The following GPM6B variants were observed in gnomAD, a reference collection of about 807,000 sequenced individuals.
GPM6B encodes the protein neuronal membrane glycoprotein M6-b.
Under a neutral mutation model 27.2 loss-of-function variants are expected in GPM6B, and 4 were observed. The observed-to-expected ratio is 0.15, with a 90% confidence interval of 0.07 to 0.34. The LOEUF (loss-of-function observed/expected upper bound fraction) is 0.34. Among genes scored for constraint, GPM6B ranks in the 10% least tolerant of loss-of-function variants. The probability of loss-of-function intolerance (pLI) is 1.00; values close to 1 mark genes in which losing one functional copy is unlikely to be tolerated. For synonymous variants in GPM6B, 124 were observed against 103.1 expected (o/e 1.20, Z -1.23); for missense variants, 183 against 261.9 (o/e 0.70, Z 2.08).
chrX:13,880,074 G>A (rs932553200), intron 1 of GPM6B, among the ~76,000 whole-genome samples: 4 of 112,323 alleles, frequency 3.6e-5, no homozygotes, highest in Admixed American at 9.4e-5. Flanking sequence ...CTCTTGCTTC[G>A]CAAAGAACAC....
At chrX:13,785,423 C>T (rs2048591051) in intron 3 of GPM6B, among the ~76,000 whole-genome samples, 199 bp downstream of exon 3, 2 of 111,253 alleles carry the variant, frequency 1.8e-5, no homozygotes, top group Admixed American at 1.9e-4. Flanking sequence ...GCTAGGATTA[C>T]AGGCACGCAC....
chrX:13,839,634 C>G (rs1364897629), intron 1 of GPM6B, among the ~76,000 whole-genome samples: 1 of 111,147 alleles, frequency 9.0e-6, no homozygotes, highest in Non-Finnish European at 1.9e-5. Context: ...CACACACACC[C>G]CTCTTTCCCT....
chrX:13,874,543 C>CA (rs34549189), intron 1 of GPM6B, among the ~76,000 whole-genome samples: 37,943 of 82,433 alleles, frequency 0.46, 7,262 homozygotes, highest in Middle Eastern at 0.52. Flanking sequence ...ACTAAAAATA[C>CA]AAAAAAAAAA....
chrX:13,923,859 T>C (rs1284598410), intron 1 of GPM6B, among the ~76,000 whole-genome samples: 1 of 112,363 alleles, frequency 8.9e-6, no homozygotes, highest in Non-Finnish European at 1.9e-5. Flanking sequence ...CATTTTAACA[T>C]ATTAAGGATT....
At chrX:13,860,427 C>T (rs1170076416) in intron 1 of GPM6B, among the ~76,000 whole-genome samples, 1 of 97,338 alleles carries the variant, frequency 1.0e-5, no homozygotes, top group Non-Finnish European at 2.0e-5. Flanking sequence ...ACTACAATCC[C>T]AAAACGTGGG....
chrX:13,895,492 C>T lies in GPM6B; in HGVS notation c.-198+42835G>A, dbSNP rs776878476. Among the ~76,000 whole-genome samples the T allele has an allele frequency of 1.2e-3, 128 of 110,869 alleles. 1 individual carries two copies. The highest frequency in any genetic ancestry group is 2.7e-3 in the Admixed American group (28 of 10,402). On this transcript the variant is annotated intron_variant, in intron 1 of 6. Coordinates refer to the GPM6B transcript ENST00000398361. ...TATTCTGGGGAAAGAATTATATAGC[C>T]AGTTATTAATAAACCTTTCTGGAAA... is the stretch of plus-strand genomic sequence containing the variant.
chrX:13,833,550 T>TTAAAAAAAAAAAAAAAAAAA (rs2049462518), intron 1 of GPM6B, among the ~76,000 whole-genome samples: 3 of 71,564 alleles, frequency 4.2e-5, no homozygotes, highest in African/African-American at 1.8e-4. Flanking sequence ...CTCTATCTCT[T>TTAAAAAAAAAAAAAAAAAAA]AAAAAAAAAA....
chrX:13,931,450 T>C (rs772610787), intron 1 of GPM6B, among the ~76,000 whole-genome samples: 4 of 106,469 alleles, frequency 3.8e-5, no homozygotes, highest in Non-Finnish European at 5.8e-5. Context: ...ATCGCACCAC[T>C]GCACTCCAGC....
intron 3 of GPM6B, chrX:13,783,981 A>G: frequency 3.9e-6 from 1 of 259,261 alleles, no homozygotes; most frequent in South Asian, 3.9e-5. Context: ...CTCTGATAAA[A>G]CCCCTAAGTA....
chrX:13,817,726 A>T (rs772767507), upstream of GPM6B, among the ~76,000 whole-genome samples: 1 of 112,369 alleles, frequency 8.9e-6, no homozygotes, highest in Admixed American at 9.4e-5. Context: ...AAGAAAACTC[A>T]AACACGGATT....
At chrX:13,878,523 T>C (rs1162118577) in intron 1 of GPM6B, among the ~76,000 whole-genome samples, 1 of 112,132 alleles carries the variant, frequency 8.9e-6, no homozygotes, top group Non-Finnish European at 1.9e-5. Context: ...GTATCTCCTG[T>C]AATGCTCAAG....
At chrX:13,899,788 T>C (rs867204744) in intron 1 of GPM6B, among the ~76,000 whole-genome samples, 1 of 111,519 alleles carries the variant, frequency 9.0e-6, no homozygotes, top group South Asian at 3.8e-4. Flanking sequence ...CAAAATTCCC[T>C]ACCACCCGAA....
chrX:13,863,127 C>G (rs2049871645), intron 1 of GPM6B, among the ~76,000 whole-genome samples: 1 of 112,114 alleles, frequency 8.9e-6, no homozygotes, highest in African/African-American at 3.2e-5. Context: ...TCTTCAGGAA[C>G]AGCATCCTCC....
At chrX:13,854,332 G>A (rs899732887) in intron 1 of GPM6B, among the ~76,000 whole-genome samples, 1 of 112,071 alleles carries the variant, frequency 8.9e-6, no homozygotes. Context: ...AAGGATCTGA[G>A]GATGGTGCTG....
intron 1 of GPM6B, among the ~76,000 whole-genome samples, chrX:13,887,129 T>A (rs1018952571): frequency 8.9e-6 from 1 of 112,283 alleles, no homozygotes; most frequent in African/African-American, 3.2e-5. Context: ...CGAGCCTTCA[T>A]CTTTGAACGA....
intron 1 of GPM6B, among the ~76,000 whole-genome samples, chrX:13,854,495 A>G (rs1479086303): frequency 8.9e-6 from 1 of 112,180 alleles, no homozygotes; most frequent in Non-Finnish European, 1.9e-5. Flanking sequence ...CAGGGATTCT[A>G]TGAAAGTACA....
chrX:13,809,650 A>G (rs2147183428), intron 1 of GPM6B, among the ~76,000 whole-genome samples: 1 of 109,732 alleles, frequency 9.1e-6, no homozygotes, highest in African/African-American at 3.3e-5. Flanking sequence ...AAAAATTAAA[A>G]AATTGGCCAG....
chrX:13,904,172 A>G (rs2147048379), intron 1 of GPM6B, among the ~76,000 whole-genome samples: 1 of 112,397 alleles, frequency 8.9e-6, no homozygotes, highest in South Asian at 3.7e-4. Flanking sequence ...AATATATGTA[A>G]TCATTTAATT....
At chrX:13,848,061 T>C (rs965135499) in intron 1 of GPM6B, among the ~76,000 whole-genome samples, 1 of 112,110 alleles carries the variant, frequency 8.9e-6, no homozygotes, top group Non-Finnish European at 1.9e-5. Context: ...AGTTGACAGA[T>C]GACAGCTTGT....
Sources: allele counts gnomAD v4.1 joint callset (sites outside exome capture counted in the v4.1 genomes callset), GRCh38; gene constraint gnomAD v4.1.1; transcripts MANE v1.5; gene names NCBI Gene and HGNC (gene_info 2026-07-23, HGNC 2026-07-21).